NUP43: variants seen among roughly 807,000 people sequenced by gnomAD.
NUP43 encodes the protein nucleoporin Nup43.
NUP43 carries 32 observed loss-of-function variants against 47.3 expected under a neutral mutation model. The observed-to-expected ratio is 0.68, with a 90% CI of 0.51 to 0.91. The LOEUF is 0.91. NUP43 is among the 40% of genes least tolerant of loss of function. The pLI is 0.00. For synonymous variants in NUP43, 147 were observed against 158.4 expected (o/e 0.93, Z 0.54); for missense variants, 444 against 453.9 (o/e 0.98, Z 0.20).
intron 7 of NUP43, 153 bp downstream of exon 7, chr6:149,731,460 G>T: frequency 1.7e-6 from 1 of 575,720 alleles, no homozygotes; most frequent in Non-Finnish European, 2.9e-6. Context: ...CTACTCGGGA[G>T]GCTGAGGCAC....
Position 149,746,045 on chromosome 6 carries a change from C to T in NUP43, c.138G>A (p.Leu46=). Residue 46 remains leucine, a synonymous_variant, in exon 2 of 8, where the codon CTG becomes CTA. Coordinates refer to ENST00000340413, the MANE Select transcript of NUP43 (RefSeq NM_198887.3). The part of the protein sequence containing the change: ...SWDNEENYIS[L]WSIGDFGNLD... Reference sequence around the variant, plus strand: ...AGTTTCCAAAATCTCCAATAGACCACAGTGAAATATAATTTTCCTGTAAAA... The same window carrying T: ...AGTTTCCAAAATCTCCAATAGACCATAGTGAAATATAATTTTCCTGTAAAA... The T allele has an allele frequency of 6.2e-7, 1 of 1,613,436 alleles. No homozygotes were observed. The highest frequency in any genetic ancestry group is 8.5e-7 in the Non-Finnish European group (1 of 1,179,852).
rs2115068586 is a variant in NUP43 at position 149,726,934 on chromosome 6, C to T, written c.*35G>A. 1 of 1,533,552 alleles carries T rather than the reference C, an allele frequency of 6.5e-7. No homozygotes were observed. The highest frequency in any genetic ancestry group is 2.3e-5 in the East Asian group (1 of 43,630). The allele number at this position is 1,533,552 out of a possible 1,614,324, so 95.0% of individuals were successfully genotyped here. Reference sequence around the variant, plus strand: ...AAGTTGGATTTCAAAAGGCTAATTGCATGTTCTATCTGAAATCTTATAATT... The same window carrying T: ...AAGTTGGATTTCAAAAGGCTAATTGTATGTTCTATCTGAAATCTTATAATT... On this transcript the variant is annotated 3_prime_UTR_variant, in exon 8 of 8. Coordinates refer to ENST00000340413, the MANE Select transcript of NUP43 (RefSeq NM_198887.3).
At chr6:149,745,407 A>G (rs888125331) in intron 2 of NUP43, among the ~76,000 whole-genome samples, 3 of 151,868 alleles carry the variant, frequency 2.0e-5, no homozygotes, top group African/African-American at 4.8e-5. Context: ...CTTGGAAAAA[A>G]AAAAAAAAAA....
intron 6 of NUP43, among the ~76,000 whole-genome samples, chr6:149,733,711 G>A (rs1785175290): frequency 6.6e-6 from 1 of 152,026 alleles, no homozygotes; most frequent in Non-Finnish European, 1.5e-5. Flanking sequence ...CTCCCAAAGT[G>A]CTAAAATTAC....
At chr6:149,738,502 T>C in intron 5 of NUP43, 141 bp downstream of exon 5, 1 of 510,548 alleles carries the variant, frequency 2.0e-6, no homozygotes, top group Non-Finnish European at 3.3e-6. Flanking sequence ...CGTCAAGTTA[T>C]GCTTGCTCTA....
rs1033330750 is a variant in NUP43 at position 149,724,369 on chromosome 6, G to A, written c.*2600C>T. On this transcript the variant is annotated 3_prime_UTR_variant, in exon 8 of 8. Transcript: ENST00000340413. ...TTTAGTGAAACCCTGACATTAAAGC[G>A]TCCCAACACAAAGCAGATTCGAACA... is the stretch of plus-strand genomic sequence containing the variant. 9.2e-5 allele frequency: 14 copies of A among 151,888 alleles called. No homozygotes were observed. The highest frequency in any genetic ancestry group is 1.9e-4 in the East Asian group (1 of 5,180). The allele number at this position is 151,888 out of a possible 1,614,324, so 9.4% of individuals were successfully genotyped here. A position where few individuals can be genotyped will look rare whatever the true frequency, so the allele number is the denominator to read the frequency against.
intron 4 of NUP43, among the ~76,000 whole-genome samples, chr6:149,740,534 C>G (rs1347811718): frequency 2.0e-5 from 3 of 151,764 alleles, no homozygotes; most frequent in Non-Finnish European, 4.4e-5. Context: ...GAGGCTGAGG[C>G]TGGAGAATCG....
chr6:149,735,975 TA>T (rs75190982), intron 6 of NUP43, among the ~76,000 whole-genome samples: 28,693 of 117,080 alleles, frequency 0.25, 3,359 homozygotes, highest in Non-Finnish European at 0.27. Flanking sequence ...CCTGTCTCTT[TA>T]AAAAAAAAAA....
At chr6:149,733,159 T>G (rs1279347227) in intron 6 of NUP43, among the ~76,000 whole-genome samples, 1 of 152,026 alleles carries the variant, frequency 6.6e-6, no homozygotes, top group Non-Finnish European at 1.5e-5. Context: ...CTGAGAAAGA[T>G]CCTAATGAAA....
chr6:149,730,824 G>A (rs1562374614), intron 7 of NUP43, among the ~76,000 whole-genome samples: 1 of 151,988 alleles, frequency 6.6e-6, no homozygotes, highest in Non-Finnish European at 1.5e-5. Context: ...TCTGGTCTTA[G>A]CTATTTGGGA....
chr6:149,737,311 G>C (rs1785420562), intron 5 of NUP43, among the ~76,000 whole-genome samples: 1 of 151,868 alleles, frequency 6.6e-6, no homozygotes, highest in Non-Finnish European at 1.5e-5. Context: ...AGAGAGACAG[G>C]GTCTTGTCTT....
intron 2 of NUP43, among the ~76,000 whole-genome samples, chr6:149,743,935 C>T (rs1785812790): frequency 1.3e-5 from 2 of 152,108 alleles, no homozygotes; most frequent in Admixed American, 6.6e-5. Context: ...ACACATTCAC[C>T]CACAATTGAT....
At chr6:149,742,721 T>C in intron 3 of NUP43, 151 bp from the exon 4 acceptor site, 1 of 593,314 alleles carries the variant, frequency 1.7e-6, no homozygotes, top group South Asian at 2.6e-5. Context: ...TAGAAACTAC[T>C]GCCATCAAAG....
At position 149,726,325 on chromosome 6, in the gene NUP43, G is replaced by A. The variant is rs1215253237; in HGVS notation, c.*644C>T. 6.7e-6 allele frequency: 1 copy of A among 148,452 alleles called. No homozygotes were observed. Among genetic ancestry groups the A allele is most frequent in the East Asian group, 2.0e-4 (1 of 5,020 alleles). The allele number at this position is 148,452 out of a possible 1,614,324, so 9.2% of individuals were successfully genotyped here. ...GGAGACTGAGGCAGGAGAATTGCTT[G>A]AACCTGGGAGGTGGAGGTTGCAGTG... On this transcript the variant is annotated 3_prime_UTR_variant, in exon 8 of 8. Coordinates refer to ENST00000340413, the MANE Select transcript of NUP43 (RefSeq NM_198887.3).
At chr6:149,741,334 C>T (rs1017044693) in intron 4 of NUP43, among the ~76,000 whole-genome samples, 1 of 151,920 alleles carries the variant, frequency 6.6e-6, no homozygotes, top group African/African-American at 2.4e-5. Context: ...CCACCATGCC[C>T]AGCTAATTTT....
intron 6 of NUP43, among the ~76,000 whole-genome samples, chr6:149,732,925 T>A (rs1475261936): frequency 6.6e-6 from 1 of 152,098 alleles, no homozygotes; most frequent in South Asian, 2.1e-4. Flanking sequence ...TTATTTTTAT[T>A]TTTTTAAATA....
At chr6:149,742,620 G>C in intron 3 of NUP43, 50 bp from the exon 4 acceptor site, 1 of 1,386,170 alleles carries the variant, frequency 7.2e-7, no homozygotes, top group African/African-American at 1.4e-5. Context: ...TAAGGAATTA[G>C]CACTTCTTCC....
intron 6 of NUP43, among the ~76,000 whole-genome samples, chr6:149,732,469 C>A (rs1005165678): frequency 6.6e-6 from 1 of 151,764 alleles, no homozygotes; most frequent in African/African-American, 2.4e-5. Flanking sequence ...ATCGCTTGAA[C>A]CCGGGAGGCA....
chr6:149,742,618 T>G lies in NUP43; in HGVS notation c.322-48A>C, dbSNP rs774914241. ...CTATTAAAGCAAAGTACTAAGGAAT[T>G]AGCACTTCTTCCCAACAAGAGTATC... On this transcript the variant is annotated intron_variant, in intron 3 of 7. Coordinates refer to ENST00000340413, the MANE Select transcript of NUP43 (RefSeq NM_198887.3). 3.6e-6 allele frequency: 5 copies of G among 1,398,474 alleles called. No individual in the cohort carries two copies. In the African/African-American group the frequency reaches 7.1e-5, roughly 20 times the overall value. The allele number at this position is 1,398,474 out of a possible 1,614,324, so 86.6% of individuals were successfully genotyped here.
Sources: gnomAD v4.1 joint callset for allele counts (sites outside exome capture counted in the v4.1 genomes callset) on GRCh38, gnomAD v4.1.1 for gene constraint, MANE v1.5 for transcripts, NCBI Gene and HGNC (gene_info 2026-07-23, HGNC 2026-07-21) for gene names.